Variants in SPATS2 observed in about 807,000 individuals in gnomAD.
SPATS2 encodes spermatogenesis-associated serine-rich protein 2.
A neutral mutation model predicts 63.7 loss-of-function variants in SPATS2; 38 were observed. That is an observed-to-expected ratio of 0.60 (90% CI 0.46 to 0.78). SPATS2 has a LOEUF of 0.78. Among genes scored for constraint, SPATS2 ranks in the 30% least tolerant of loss-of-function variants. SPATS2 has a pLI of 0.00. For missense variants in SPATS2, 588 were observed against 666.2 expected (o/e 0.88, Z 1.29); for synonymous variants, 207 against 232.9 (o/e 0.89, Z 1.01).
intron 2 of SPATS2, among the ~76,000 whole-genome samples, chr12:49,419,129 A>T (rs1274910206): frequency 6.6e-6 from 1 of 152,194 alleles, no homozygotes; most frequent in Admixed American, 6.5e-5. Flanking sequence ...TTAACTTTTT[A>T]TGCTTTTAAG....
chr12:49,499,033 AT>A (rs1946516924), intron 8 of SPATS2, among the ~76,000 whole-genome samples: 1 of 152,038 alleles, frequency 6.6e-6, no homozygotes, highest in Non-Finnish European at 1.5e-5. Flanking sequence ...TGATCCACCC[AT>A]CTTGGCCTCC....
At position 49,526,672 on chromosome 12, in the gene SPATS2, A is replaced by G. The variant is rs1039377544; in HGVS notation, c.*417A>G. On this transcript the variant is annotated 3_prime_UTR_variant, in exon 14 of 14. Transcript: ENST00000552918. ...AACTATTTGACCAAGAGAGGCAATC[A>G]GGGGGTTGTATACTGCACTGGATTC... The G allele has an allele frequency of 3.8e-5, 7 of 183,156 alleles. No individual in the cohort carries two copies. Among genetic ancestry groups the G allele is most frequent in the African/African-American group, 7.1e-5 (3 of 41,972 alleles). 11.3% of individuals were successfully genotyped at this position (183,156 alleles called of 1,614,324 possible).
chr12:49,371,025 TA>T (rs1351839917), intron 1 of SPATS2, among the ~76,000 whole-genome samples: 1 of 152,270 alleles, frequency 6.6e-6, no homozygotes, highest in East Asian at 1.9e-4. Context: ...TTTGTTTACT[TA>T]AAAAAAATTA....
intron 9 of SPATS2, among the ~76,000 whole-genome samples, chr12:49,510,180 T>G (rs1401909208): frequency 6.6e-6 from 1 of 151,520 alleles, no homozygotes; most frequent in Non-Finnish European, 1.5e-5. Context: ...GGAGGATTGC[T>G]TGAGCCCAGG....
intron 2 of SPATS2, among the ~76,000 whole-genome samples, chr12:49,391,331 G>A (rs979430342): frequency 4.6e-5 from 7 of 152,282 alleles, no homozygotes; most frequent in African/African-American, 1.4e-4. Flanking sequence ...GGCCAACATG[G>A]TGAAACCCCG....
intron 6 of SPATS2, 33 bp downstream of exon 6, chr12:49,490,764 G>T (rs757644844): frequency 3.1e-6 from 5 of 1,599,886 alleles, no homozygotes; most frequent in Non-Finnish European, 4.3e-6. Flanking sequence ...GCATGATGAT[G>T]TGTATATTAT....
intron 2 of SPATS2, among the ~76,000 whole-genome samples, chr12:49,407,115 A>T (rs140107255): frequency 6.6e-6 from 1 of 152,174 alleles, no homozygotes; most frequent in East Asian, 1.9e-4. Context: ...TACATATCAC[A>T]TTTCATCTTG....
chr12:49,437,462 G>C (rs532975346), intron 2 of SPATS2, among the ~76,000 whole-genome samples: 3 of 152,210 alleles, frequency 2.0e-5, no homozygotes, highest in South Asian at 2.1e-4. Context: ...CAGCACTTTG[G>C]GGGGCCAAGG....
chr12:49,404,398 C>A (rs754163160), intron 2 of SPATS2, among the ~76,000 whole-genome samples: 2 of 151,402 alleles, frequency 1.3e-5, no homozygotes, highest in Non-Finnish European at 2.9e-5. Flanking sequence ...GCGATCCTTC[C>A]GCCTCAGTCT....
chr12:49,483,308 A>T (rs1946237198), intron 3 of SPATS2, among the ~76,000 whole-genome samples: 1 of 151,578 alleles, frequency 6.6e-6, no homozygotes, highest in African/African-American at 2.4e-5. Context: ...TTGGGGGAGG[A>T]TACATTAAAA....
At chr12:49,385,099 G>T (rs1211876079) in intron 2 of SPATS2, among the ~76,000 whole-genome samples, 1 of 151,984 alleles carries the variant, frequency 6.6e-6, no homozygotes, top group African/African-American at 2.4e-5. Context: ...GTGACCCACT[G>T]CACCCAGTCC....
intron 11 of SPATS2, among the ~76,000 whole-genome samples, chr12:49,522,137 G>T (rs531825868): frequency 6.6e-6 from 1 of 152,192 alleles, no homozygotes; most frequent in East Asian, 1.9e-4. Context: ...TTATAGCATG[G>T]TTAGTTTTTG....
At chr12:49,413,353 G>A (rs184047817) in intron 2 of SPATS2, among the ~76,000 whole-genome samples, 1 of 151,994 alleles carries the variant, frequency 6.6e-6, no homozygotes, top group East Asian at 1.9e-4. Flanking sequence ...GGGACTTTAT[G>A]GTAGCCAGAC....
At chr12:49,471,223 T>G (rs1039600480) in intron 3 of SPATS2, among the ~76,000 whole-genome samples, 1 of 152,222 alleles carries the variant, frequency 6.6e-6, no homozygotes, top group Non-Finnish European at 1.5e-5. Context: ...GAAGCACTCA[T>G]TAATGCCAGC....
chr12:49,515,192 G>A (rs1946818064), intron 10 of SPATS2, among the ~76,000 whole-genome samples: 1 of 152,136 alleles, frequency 6.6e-6, no homozygotes, highest in African/African-American at 2.4e-5. Context: ...GATTTGTGGG[G>A]TTTTGTACAG....
chr12:49,372,652 A>G (rs1479257436), intron 2 of SPATS2, among the ~76,000 whole-genome samples: 1 of 151,824 alleles, frequency 6.6e-6, no homozygotes. Flanking sequence ...TACTTTTTTC[A>G]TTTAAACATG....
At chr12:49,437,174 G>T (rs1276769270) in intron 2 of SPATS2, among the ~76,000 whole-genome samples, 2 of 150,488 alleles carry the variant, frequency 1.3e-5, no homozygotes, top group Non-Finnish European at 3.0e-5. Context: ...CAGGCAGAGG[G>T]TCTCCTCACT....
chr12:49,469,818 G>A (rs1451328847), intron 3 of SPATS2, among the ~76,000 whole-genome samples: 2 of 151,642 alleles, frequency 1.3e-5, no homozygotes, highest in African/African-American at 2.4e-5. Flanking sequence ...AACCCAGGAG[G>A]CAGAGGTTAT....
At chr12:49,501,994 C>CT (rs1235483914) in intron 9 of SPATS2, among the ~76,000 whole-genome samples, 1 of 152,134 alleles carries the variant, frequency 6.6e-6, no homozygotes, top group Admixed American at 6.6e-5. Context: ...CTAGAAAAGA[C>CT]TTAAGGACCA....
Sources: gnomAD v4.1 joint callset for allele counts (sites outside exome capture counted in the v4.1 genomes callset) on GRCh38, gnomAD v4.1.1 for gene constraint, MANE v1.5 for transcripts, NCBI Gene and HGNC (gene_info 2026-07-23, HGNC 2026-07-21) for gene names.